Variants in TENM1 observed in about 807,000 individuals in gnomAD.
TENM1 encodes the protein teneurin-1.
TENM1 carries 35 observed loss-of-function variants against 174.8 expected under a neutral mutation model. The ratio of observed to expected loss-of-function variants is 0.20; its 90% CI spans 0.15 to 0.27. The LOEUF (loss-of-function observed/expected upper bound fraction) is 0.27, where lower values mean the gene tolerates loss of function less well. Among genes scored for constraint, TENM1 ranks in the 10% least tolerant of loss-of-function variants. The probability of loss-of-function intolerance (pLI) is 1.00; values close to 1 mark genes in which losing one functional copy is unlikely to be tolerated. For missense variants in TENM1, 1,633 were observed against 2,130.1 expected (o/e 0.77, Z 4.59); for synonymous variants, 781 against 798.7 (o/e 0.98, Z 0.37).
chrX:125,100,449 G>A, the TENM1 span, among the ~76,000 whole-genome samples: 1 of 111,870 alleles, frequency 8.9e-6, no homozygotes, highest in Admixed American at 9.4e-5. Flanking sequence ...ATAGAAGCAA[G>A]GAAAGTTGTA....
chrX:124,911,084 T>G (rs2057828782), intron 1 of TENM1, among the ~76,000 whole-genome samples: 1 of 109,950 alleles, frequency 9.1e-6, no homozygotes, highest in African/African-American at 3.3e-5. Flanking sequence ...CCCGGCTAAT[T>G]TTTTAATTTT....
At chrX:124,901,967 T>C (rs1260143188) in intron 1 of TENM1, among the ~76,000 whole-genome samples, 1 of 111,838 alleles carries the variant, frequency 8.9e-6, no homozygotes, top group East Asian at 2.8e-4. Context: ...ATAGAATTAT[T>C]AGTTTAATTA....
intron 18 of TENM1, among the ~76,000 whole-genome samples, chrX:124,508,852 C>T (rs970319671): frequency 2.7e-5 from 3 of 111,593 alleles, no homozygotes; most frequent in Non-Finnish European, 5.6e-5. Context: ...TGGGCAGACC[C>T]ACCATTCCAT....
intron 4 of TENM1, among the ~76,000 whole-genome samples, chrX:124,713,119 C>T (rs1028878154): frequency 8.9e-6 from 1 of 111,741 alleles, no homozygotes; most frequent in Non-Finnish European, 1.9e-5. Context: ...ATGCTCCGTC[C>T]ACATCGTTCA....
At chrX:124,935,116 G>C (rs1197762859) in intron 1 of TENM1, among the ~76,000 whole-genome samples, 4 of 107,836 alleles carry the variant, frequency 3.7e-5, no homozygotes, top group Non-Finnish European at 5.7e-5. Context: ...AAACAAAAAA[G>C]TTATAGTAGA....
chrX:124,747,337 AAGAG>A lies in TENM1; in HGVS notation c.536-10144_536-10141del, dbSNP rs773252854. Among the ~76,000 whole-genome samples, 429 of 108,735 alleles carry A rather than the reference AAGAG, an allele frequency of 3.9e-3. 1 individual carries two copies. The highest frequency in any genetic ancestry group is 0.013 in the African/African-American group (401 of 29,834). 94.4% of individuals were successfully genotyped at this position (108,735 alleles called of 115,157 possible). ...AAAAAAATTAGCTCATCTCAAGGGGAAGAGAGTCAGCTTGCATAAACAGAAGAAA... is the reference window on the plus strand; with the variant it reads ...AAAAAAATTAGCTCATCTCAAGGGGAAGTCAGCTTGCATAAACAGAAGAAA... On this transcript the variant is annotated intron_variant, in intron 3 of 31. Coordinates refer to ENST00000422452, the Ensembl canonical transcript of TENM1.
At chrX:124,717,793 C>T (rs1227188477) in intron 4 of TENM1, among the ~76,000 whole-genome samples, 1 of 112,065 alleles carries the variant, frequency 8.9e-6, no homozygotes, top group East Asian at 2.8e-4. Flanking sequence ...TACGTGCTGT[C>T]CCCTCCCACA....
chrX:124,937,751 T>C (rs149160948), intron 1 of TENM1, among the ~76,000 whole-genome samples: 101 of 112,044 alleles, frequency 9.0e-4, no homozygotes, highest in African/African-American at 2.7e-3. Context: ...ATACTGATTA[T>C]ACTGCAAGGT....
At chrX:124,775,099 A>C (rs769352272) in intron 3 of TENM1, among the ~76,000 whole-genome samples, 4 of 110,804 alleles carry the variant, frequency 3.6e-5, no homozygotes, top group Middle Eastern at 4.6e-3. Flanking sequence ...ATAATTAGTT[A>C]GAATAACAAC....
chrX:125,044,930 C>G, the TENM1 span, among the ~76,000 whole-genome samples: 2 of 111,633 alleles, frequency 1.8e-5, no homozygotes, highest in Non-Finnish European at 3.8e-5. Context: ...GCACTAAGAT[C>G]TCTCAGGAAG....
chrX:124,602,002 T>C, intron 11 of TENM1, among the ~76,000 whole-genome samples: 1 of 111,141 alleles, frequency 9.0e-6, no homozygotes, highest in East Asian at 2.8e-4. Context: ...AAATTCAAAG[T>C]TGGATACTTT....
At chrX:125,120,393 T>C in the TENM1 span, among the ~76,000 whole-genome samples, 3 of 111,015 alleles carry the variant, frequency 2.7e-5, no homozygotes, top group Admixed American at 9.6e-5. Context: ...CCATGATGGT[T>C]TGCTGCACCT....
chrX:124,672,983 CAT>C (rs1390823771), intron 5 of TENM1, among the ~76,000 whole-genome samples: 1 of 111,523 alleles, frequency 9.0e-6, no homozygotes, highest in African/African-American at 3.3e-5. Context: ...CTGTGTTTTC[CAT>C]ATTTTTTTTA....
intron 3 of TENM1, among the ~76,000 whole-genome samples, chrX:124,850,774 G>C (rs1483971580): frequency 9.3e-6 from 1 of 107,305 alleles, no homozygotes; most frequent in African/African-American, 3.4e-5. Flanking sequence ...CACAATAGAA[G>C]AAAAAAAAAC....
chrX:124,569,196 T>TCAAACACA (rs1556001520), intron 11 of TENM1, among the ~76,000 whole-genome samples: 259 of 107,959 alleles, frequency 2.4e-3, no homozygotes, highest in African/African-American at 8.4e-3. Flanking sequence ...AGGCCCTGTC[T>TCAAACACA]CAAACAAACA....
At chrX:125,133,127 G>A in the TENM1 span, among the ~76,000 whole-genome samples, 5 of 111,047 alleles carry the variant, frequency 4.5e-5, no homozygotes, top group Middle Eastern at 4.6e-3. Context: ...CCGAGTAGCT[G>A]GGACTACAGG....
the TENM1 span, among the ~76,000 whole-genome samples, chrX:125,133,195 C>T: frequency 9.0e-6 from 1 of 110,642 alleles, no homozygotes; most frequent in Non-Finnish European, 1.9e-5. Context: ...AGGGTTTCAC[C>T]GTGTTCGTCA....
intron 3 of TENM1, among the ~76,000 whole-genome samples, chrX:124,875,234 G>C (rs776217706): frequency 1.8e-5 from 2 of 110,566 alleles, no homozygotes; most frequent in East Asian, 5.7e-4. Flanking sequence ...TGTACTTTTT[G>C]CTTGTTTATT....
intron 3 of TENM1, among the ~76,000 whole-genome samples, chrX:124,818,043 T>C (rs1234089033): frequency 9.6e-6 from 1 of 104,440 alleles, no homozygotes; most frequent in East Asian, 2.9e-4. Flanking sequence ...CTGTCACTGA[T>C]TTTTTTTTTT....
Sources: gnomAD v4.1 joint callset for allele counts (sites outside exome capture counted in the v4.1 genomes callset) on GRCh38, gnomAD v4.1.1 for gene constraint, MANE v1.5 for transcripts, NCBI Gene and HGNC (gene_info 2026-07-23, HGNC 2026-07-21) for gene names.